RC3H2: variants seen among roughly 807,000 people sequenced by gnomAD.
RC3H2 encodes the protein ring finger and CCCH-type domains 2, also known as roquin-2.
RC3H2 carries 31 observed loss-of-function variants against 133.3 expected under a neutral mutation model. The ratio of observed to expected loss-of-function variants is 0.23; its 90% CI spans 0.17 to 0.31. RC3H2 has a LOEUF of 0.31. Ranked by LOEUF, RC3H2 falls within the 10% of genes least tolerant of loss-of-function variation. The probability of loss-of-function intolerance (pLI) is 1.00; values close to 1 mark genes in which losing one functional copy is unlikely to be tolerated. For synonymous variants in RC3H2, 517 were observed against 502.2 expected (o/e 1.03, Z -0.40); for missense variants, 1,175 against 1,437.2 (o/e 0.82, Z 2.95).
rs200090982 is a variant in RC3H2 at position 122,857,991 on chromosome 9, T to C, written c.2386A>G (p.Thr796Ala). 350 of 1,614,050 alleles carry C rather than the reference T, an allele frequency of 2.2e-4. 1 individual carries two copies. The highest frequency in any genetic ancestry group is 3.8e-4 in the Admixed American group (23 of 60,020). ...HTQKAPLVSS[T>A]LPVATQSPTP... is the part of the protein sequence containing the mutation. ...GGTGACTGTGTTGCCACAGGAAGAG[T>C]TGAAGAGACAAGAGGTGCTTTCTGA... is the stretch of plus-strand genomic sequence containing the variant. Residue 796 changes from threonine to alanine, a missense_variant, in exon 13 of 21, where the codon ACT becomes GCT. Thr to Ala is a moderately conservative substitution (Grantham distance 58). Around this residue, in one of 8 missense-constraint regions of RC3H2, gnomAD observed 490 missense variants for 492.8 expected, o/e 0.99. Coordinates refer to ENST00000357244, the MANE Select transcript of RC3H2 (RefSeq NM_001100588.3).
Position 122,846,074 on chromosome 9 carries a change from T to C in RC3H2, c.*3553A>G, listed in dbSNP as rs952713891. 5.3e-5 allele frequency: 8 copies of C among 152,182 alleles called. No homozygotes were observed. Among genetic ancestry groups the C allele is most frequent in the East Asian group, 3.8e-4 (2 of 5,202 alleles). 9.4% of individuals were successfully genotyped at this position (152,182 alleles called of 1,614,324 possible). On this transcript the variant is annotated 3_prime_UTR_variant, in exon 21 of 21. Coordinates refer to ENST00000357244, the MANE Select transcript of RC3H2 (RefSeq NM_001100588.3). The stretch of plus-strand genomic sequence containing the variant: ...GTCTAAAATCCAAAAGCAAACTAGA[T>C]GGTTTTTAAAATAATTTTTCAAATG...
At chr9:122,894,206 C>T (rs1832320836) in intron 2 of RC3H2, among the ~76,000 whole-genome samples, 1 of 151,886 alleles carries the variant, frequency 6.6e-6, no homozygotes, top group Non-Finnish European at 1.5e-5. Context: ...TTGCAGTGAG[C>T]CGAGATCGCG....
intron 1 of RC3H2, among the ~76,000 whole-genome samples, chr9:122,900,131 A>G (rs2131510292): frequency 6.6e-6 from 1 of 152,314 alleles, no homozygotes; most frequent in East Asian, 1.9e-4. Context: ...TTATGTTACA[A>G]TAGTCCTTAG....
At chr9:122,860,267 A>T (rs1361899873) in intron 10 of RC3H2, 136 bp from the exon 11 acceptor site, 2 of 654,630 alleles carry the variant, frequency 3.1e-6, no homozygotes, top group Non-Finnish European at 5.3e-6. Flanking sequence ...TTGACAAATA[A>T]GGCAATGAAT....
intron 1 of RC3H2, among the ~76,000 whole-genome samples, chr9:122,903,676 G>GT (rs1304307158): frequency 3.9e-5 from 6 of 152,136 alleles, no homozygotes; most frequent in African/African-American, 1.2e-4. Context: ...TTTTCTAAAC[G>GT]TAACTAGAAT....
At chr9:122,893,543 G>A (rs1832284199) in intron 2 of RC3H2, among the ~76,000 whole-genome samples, 1 of 152,112 alleles carries the variant, frequency 6.6e-6, no homozygotes, top group Non-Finnish European at 1.5e-5. Flanking sequence ...CTTAACAGCA[G>A]GAGCTGTGTG....
rs1830341460 is a variant in RC3H2 at position 122,858,687 on chromosome 9, T to C, written c.2265A>G (p.Thr755=). 2.5e-6 allele frequency: 4 copies of C among 1,610,290 alleles called. No individual in the cohort carries two copies. The highest frequency in any genetic ancestry group is 3.3e-5 in the Admixed American group (2 of 59,980). The change falls in exon 12 of 21, where the codon ACA becomes ACG. Residue 755 remains threonine (T), a synonymous_variant. Coordinates refer to ENST00000357244, the MANE Select transcript of RC3H2 (RefSeq NM_001100588.3). ...CACTTACCCTTGGTAAAGGCACAGT[T>C]GTCCTTGGCTCACTTGGTGGCTGAC... ...VACQPPSEPR[T]TVPLPREPCG... is the part of the protein sequence containing the mutation.
At chr9:122,894,754 C>A (rs1832346786) in intron 2 of RC3H2, among the ~76,000 whole-genome samples, 1 of 152,126 alleles carries the variant, frequency 6.6e-6, no homozygotes, top group African/African-American at 2.4e-5. Context: ...GTGGCACGCA[C>A]CTGCAACCCC....
At chr9:122,875,839 G>A (rs1364538396) in intron 9 of RC3H2, among the ~76,000 whole-genome samples, 2 of 152,198 alleles carry the variant, frequency 1.3e-5, no homozygotes, top group Non-Finnish European at 2.9e-5. Flanking sequence ...CAGAAAGGCA[G>A]ACACAGATTA....
At position 122,851,165 on chromosome 9, in the gene RC3H2, A is replaced by G. The variant is rs1005071461; in HGVS notation, c.3296T>C (p.Val1099Ala). The G allele has an allele frequency of 1.2e-6, 2 of 1,614,124 alleles. No individual in the cohort carries two copies. Among genetic ancestry groups the G allele is most frequent in the African/African-American group, 1.3e-5 (1 of 75,040 alleles). Residue 1099 changes from valine to alanine, a missense_variant, in exon 20 of 21, where the codon GTG becomes GCG. This residue lies in a region of RC3H2 where 220 missense variants were observed against 201.1 expected (regional missense o/e 1.09). Coordinates refer to ENST00000357244, the MANE Select transcript of RC3H2 (RefSeq NM_001100588.3). Reference sequence around the variant, plus strand: ...CTGCTGTACTGGATGCCCATTTTCCACTGCCATTCCATTTAGCAACTGATC... The same window carrying G: ...CTGCTGTACTGGATGCCCATTTTCCGCTGCCATTCCATTTAGCAACTGATC... ...QNDQLLNGMA[V>A]ENGHPVQQHQ...
At chr9:122,859,656 T>C (rs888623535) in intron 11 of RC3H2, among the ~76,000 whole-genome samples, 2 of 152,278 alleles carry the variant, frequency 1.3e-5, no homozygotes, top group Admixed American at 1.3e-4. Flanking sequence ...CATACATAAA[T>C]AAAACATTTT....
At chr9:122,899,242 G>A (rs1034341484) in intron 1 of RC3H2, among the ~76,000 whole-genome samples, 1 of 151,568 alleles carries the variant, frequency 6.6e-6, no homozygotes, top group Non-Finnish European at 1.5e-5. Flanking sequence ...AACTGGGACG[G>A]CACCCACCAT....
chr9:122,846,708 C>T lies in RC3H2; in HGVS notation c.*2919G>A, dbSNP rs994024173. ...TGGTTACCCACATTACACATTTCCT[C>T]TCTTGTTGCTTTGTATCCTTTGATT... On this transcript the variant is annotated 3_prime_UTR_variant, in exon 21 of 21. Coordinates refer to ENST00000357244, the MANE Select transcript of RC3H2 (RefSeq NM_001100588.3). 6.6e-6 allele frequency: 1 copy of T among 152,202 alleles called. No individual in the cohort carries two copies. Among genetic ancestry groups the T allele is most frequent in the Non-Finnish European group, 1.5e-5 (1 of 68,014 alleles). 9.4% of individuals were successfully genotyped at this position (152,202 alleles called of 1,614,324 possible).
chr9:122,849,938 T>A lies in RC3H2; in HGVS notation c.3381-116A>T, dbSNP rs542314876. 5 of 573,174 alleles carry A rather than the reference T, an allele frequency of 8.7e-6. No homozygotes were observed. The South Asian group carries it at 2.0e-4, about 23-fold the overall frequency. The allele number at this position is 573,174 out of a possible 1,614,324, so 35.5% of individuals were successfully genotyped here. ...ACTTTAGGAGTCTCTAGCAAAGACA[T>A]GTCTTTATCACTAGAAGTATCAGAA... On this transcript the variant is annotated intron_variant, in intron 20 of 20. Transcript: ENST00000357244.
At chr9:122,901,794 T>C (rs1832660958) in intron 1 of RC3H2, among the ~76,000 whole-genome samples, 1 of 151,794 alleles carries the variant, frequency 6.6e-6, no homozygotes, top group South Asian at 2.1e-4. Flanking sequence ...GTTTCACCTG[T>C]GGGTCAGGCT....
chr9:122,901,824 C>G (rs1035049336), intron 1 of RC3H2, among the ~76,000 whole-genome samples: 2 of 151,668 alleles, frequency 1.3e-5, no homozygotes, highest in African/African-American at 4.8e-5. Context: ...CTCCTGACCT[C>G]GTGATCTGCC....
Position 122,865,415 on chromosome 9 carries a change from T to C in RC3H2, c.1568A>G (p.Lys523Arg). The C allele has an allele frequency of 6.2e-7, 1 of 1,614,216 alleles. No homozygotes were observed. Among genetic ancestry groups the C allele is most frequent in the Non-Finnish European group, 8.5e-7 (1 of 1,180,032 alleles). ...STLRALETVK[K>R]VGKVGANGQN... ...ACCATTAGCGCCAACCTTTCCCACTTTCTTCACGGTCTCCAGAGCTCTTAA... is the reference window on the plus strand; with the variant it reads ...ACCATTAGCGCCAACCTTTCCCACTCTCTTCACGGTCTCCAGAGCTCTTAA... The change falls in exon 10 of 21, where the codon AAA becomes AGA. Residue 523 changes from lysine (K) to arginine (R), a missense_variant. Around this residue, in one of 8 missense-constraint regions of RC3H2, gnomAD observed 490 missense variants for 492.8 expected, o/e 0.99. Transcript: ENST00000357244.
chr9:122,885,644 C>A (rs1355053687), intron 4 of RC3H2, among the ~76,000 whole-genome samples: 1 of 152,086 alleles, frequency 6.6e-6, no homozygotes, highest in East Asian at 1.9e-4. Flanking sequence ...TCTCTGCTGG[C>A]AAGGACTTTT....
chr9:122,857,859 G>A, intron 13 of RC3H2, 64 bp downstream of exon 13: 3 of 1,399,878 alleles, frequency 2.1e-6, no homozygotes, highest in South Asian at 1.3e-5. Context: ...TGGTTTGAAT[G>A]AGTAATTTGA....
Sources: allele counts gnomAD v4.1 joint callset (sites outside exome capture counted in the v4.1 genomes callset), GRCh38; gene constraint gnomAD v4.1.1; regional missense constraint gnomAD v4.1.1; transcripts MANE v1.5; gene names NCBI Gene and HGNC (gene_info 2026-07-23, HGNC 2026-07-21).